KHNYN: variants seen among roughly 807,000 people sequenced by gnomAD.
The protein encoded by KHNYN is KH and NYN domain containing, also known as protein KHNYN.
KHNYN carries 42 observed loss-of-function variants against 62.7 expected under a neutral mutation model. The ratio of observed to expected loss-of-function variants is 0.67; its 90% confidence interval spans 0.52 to 0.87. The LOEUF is 0.87. Among genes scored for constraint, KHNYN ranks in the 40% least tolerant of loss-of-function variants. The probability of loss-of-function intolerance (pLI) is 0.00; values close to 1 mark genes in which losing one functional copy is unlikely to be tolerated. For synonymous variants in KHNYN, 347 were observed against 345.6 expected, an observed-to-expected ratio of 1.00 and a Z score of -0.04; for missense variants, 829 against 874.1, an observed-to-expected ratio of 0.95 and a Z score of 0.65.
rs1021875528 is a variant in KHNYN at position 24,430,840 on chromosome 14, T to C, written c.110T>C (p.Val37Ala). The C allele has an allele frequency of 7.4e-6, 12 of 1,613,424 alleles. No individual in the cohort carries two copies. The highest frequency in any genetic ancestry group is 8.5e-7 in the Non-Finnish European group (1 of 1,179,808). Reference protein sequence around the residue: ...QQPHVERIFSVGVSVLPKDCP... With the variant: ...QQPHVERIFSAGVSVLPKDCP... ...CCCCATGTGGAGCGCATCTTCAGCG[T>C]GGGGGTGAGCGTCCTTCCGAAGGAC... The change falls in exon 2 of 8, where the codon GTG (valine) becomes GCG (alanine). Residue 37 changes from valine (V) to alanine (A), a missense_variant. Physicochemically the swap from Val to Ala is moderately conservative, Grantham distance 64. Coordinates refer to ENST00000553935, the MANE Select transcript of KHNYN (RefSeq NM_015299.3).
Position 24,438,155 on chromosome 14 carries a change from G to T in KHNYN, c.*870G>T, listed in dbSNP as rs2043237170. 6.6e-6 allele frequency: 1 copy of T among 152,646 alleles called. No homozygotes were observed. The highest frequency in any genetic ancestry group is 2.1e-4 in the South Asian group (1 of 4,826). 9.5% of individuals were successfully genotyped at this position (152,646 alleles called of 1,614,324 possible). ...TTTACACAGTAGGTAAATTAGGGATGACTGCATTATCAAAATACTCTCAGG... is the reference window on the plus strand; with the variant it reads ...TTTACACAGTAGGTAAATTAGGGATTACTGCATTATCAAAATACTCTCAGG... On this transcript the variant is annotated 3_prime_UTR_variant, in exon 8 of 8. Transcript: ENST00000553935.
At chr14:24,430,468 C>T (rs2043086223) in intron 1 of KHNYN, 1 of 1,336,474 alleles carries the variant, frequency 7.5e-7, no homozygotes, top group Non-Finnish European at 9.6e-7. Flanking sequence ...GGACTGTGGT[C>T]ATCCTTTTCC....
upstream of KHNYN, among the ~76,000 whole-genome samples, chr14:24,425,174 C>T (rs547907544): frequency 7.2e-5 from 11 of 152,274 alleles, no homozygotes; most frequent in South Asian, 2.1e-3. Context: ...GCACTCCGGC[C>T]TGGTCGACAG....
chr14:24,428,924 T>A, upstream of KHNYN: 1 of 1,560,768 alleles, frequency 6.4e-7, no homozygotes, highest in South Asian at 1.2e-5. Context: ...CACCAGGCAC[T>A]CCCCCTCCAG....
At chr14:24,429,790 A>G, upstream of KHNYN, 1 of 1,085,358 alleles carries the variant, frequency 9.2e-7, no homozygotes, top group Non-Finnish European at 1.1e-6. Flanking sequence ...GACAGACGGG[A>G]GGGCTGGTGA....
upstream of KHNYN, among the ~76,000 whole-genome samples, chr14:24,425,381 C>G (rs1242396341): frequency 1.3e-5 from 2 of 152,222 alleles, no homozygotes; most frequent in Non-Finnish European, 2.9e-5. Context: ...GAGACACAAT[C>G]AGAAATATTG....
intron 7 of KHNYN, 86 bp downstream of exon 7, chr14:24,436,575 C>T: frequency 1.0e-6 from 1 of 995,346 alleles, no homozygotes; most frequent in Non-Finnish European, 1.5e-6. Flanking sequence ...GAAGTGTGAC[C>T]TCAGTTTGGG....
Position 24,441,532 on chromosome 14 carries a change from A to G in KHNYN, c.*4247A>G. The G allele has an allele frequency of 1.5e-6, 1 of 647,472 alleles. No homozygotes were observed. The highest frequency in any genetic ancestry group is 4.3e-4 in the Middle Eastern group (1 of 2,346). 40.1% of individuals were successfully genotyped at this position (647,472 alleles called of 1,614,324 possible). On this transcript the variant is annotated 3_prime_UTR_variant, in exon 8 of 8. Transcript: ENST00000553935. ...TTCTTAGTGAAAGTACACAAAGGTT[A>G]GGAGAAACATGCATGGATCAAGGGC...
chr14:24,440,766 C>T lies in KHNYN; in HGVS notation c.*3481C>T. On this transcript the variant is annotated 3_prime_UTR_variant, in exon 8 of 8. Transcript: ENST00000553935. ...AAGACATTCCAACCCTGTCTGATAC[C>T]CAGGCCCGTTTCTCACCTGAGCGCA... 1 of 1,612,988 alleles carries T rather than the reference C, an allele frequency of 6.2e-7. No individual in the cohort carries two copies. Among genetic ancestry groups the T allele is most frequent in the African/African-American group, 1.3e-5 (1 of 74,980 alleles).
rs1008734306 is a variant in KHNYN at position 24,438,943 on chromosome 14, TC to T, written c.*1660del. The T allele has an allele frequency of 6.6e-6, 1 of 152,162 alleles. No homozygotes were observed. The highest frequency in any genetic ancestry group is 2.4e-5 in the African/African-American group (1 of 41,400). 9.4% of individuals were successfully genotyped at this position (152,162 alleles called of 1,614,324 possible). On this transcript the variant is annotated 3_prime_UTR_variant, in exon 8 of 8. Coordinates refer to ENST00000553935, the MANE Select transcript of KHNYN (RefSeq NM_015299.3). ...AATGATGATGGGGAGGGTCCTTGTGTCCTCACCCCTTCCTTTTTGGTGATTT... is the reference window on the plus strand; with the variant it reads ...AATGATGATGGGGAGGGTCCTTGTGTCTCACCCCTTCCTTTTTGGTGATTT...
rs1246791874 is a variant in KHNYN, at chr14:24,432,165, C to G, written c.904C>G (p.Leu302Val). 2.6e-6 allele frequency: 4 copies of G among 1,562,728 alleles called. No homozygotes were observed. The East Asian group carries it at 9.0e-5, about 35-fold the overall frequency. ...TGGAGGGGCAAGGGAGTCAGCACCCCTGAAAGGGAAGGCCCTGGGGAAGGA... is the reference window on the plus strand; with the variant it reads ...TGGAGGGGCAAGGGAGTCAGCACCCGTGAAAGGGAAGGCCCTGGGGAAGGA... ...VGGGARESAPLKGKALGKEEI... is the reference protein window; with the variant it reads ...VGGGARESAPVKGKALGKEEI... Residue 302 changes from leucine to valine, a missense_variant, in exon 3 of 8, where the codon CTG (leucine) becomes GTG (valine). Leu to Val is a conservative substitution (Grantham distance 32). This residue lies in a region of KHNYN where 559 missense variants were observed against 527.0 expected (regional missense o/e 1.06). Transcript: ENST00000553935. The surrounding 1 kb of genome is among the most constrained non-coding windows in gnomAD (Gnocchi z 5.6).
chr14:24,430,511 T>A, intron 1 of KHNYN: 1 of 1,391,520 alleles, frequency 7.2e-7, no homozygotes, highest in Non-Finnish European at 9.3e-7. Context: ...ATAGACAGCC[T>A]TGTTTACCGG....
intron 7 of KHNYN, 125 bp from the exon 8 acceptor site, chr14:24,436,911 C>A (rs1045138270): frequency 1.9e-5 from 24 of 1,294,784 alleles, no homozygotes; most frequent in African/African-American, 3.0e-5. Context: ...TGGTCAGCTT[C>A]AGGAACTTCA....
rs974586396 is a variant in KHNYN at position 24,438,844 on chromosome 14, C to G, written c.*1559C>G. The stretch of plus-strand genomic sequence containing the variant: ...TGTGGGCCTGTGGGGAGTCTCTAGA[C>G]AAGATCTTTTCCAGGCCCTGACTTC... On this transcript the variant is annotated 3_prime_UTR_variant, in exon 8 of 8. Coordinates refer to ENST00000553935, the MANE Select transcript of KHNYN (RefSeq NM_015299.3). 6.6e-6 allele frequency: 1 copy of G among 152,156 alleles called. No individual in the cohort carries two copies. Among genetic ancestry groups the G allele is most frequent in the Non-Finnish European group, 1.5e-5 (1 of 68,050 alleles). 9.4% of individuals were successfully genotyped at this position (152,156 alleles called of 1,614,324 possible).
chr14:24,429,040 C>T, upstream of KHNYN: 1 of 1,512,092 alleles, frequency 6.6e-7, no homozygotes, highest in Non-Finnish European at 8.9e-7. Flanking sequence ...GCCAGTGTGG[C>T]TTGGCTCCCA....
upstream of KHNYN, chr14:24,429,932 G>A (rs2043072684): frequency 1.0e-6 from 1 of 999,708 alleles, no homozygotes; most frequent in East Asian, 1.1e-4. Flanking sequence ...TCCGCCCCAG[G>A]CCAGGAAGTG....
In KHNYN at chr14:24,441,021, T is replaced by G. The variant is rs1332059587; in HGVS notation, c.*3736T>G. On this transcript the variant is annotated 3_prime_UTR_variant, in exon 8 of 8. Coordinates refer to ENST00000553935, the MANE Select transcript of KHNYN (RefSeq NM_015299.3). Reference sequence around the variant, plus strand: ...CCCTTGGCCTCACCTTCTCTGGCCCTTAGGATCTCCCCATTTGGAGACAGA... The same window carrying G: ...CCCTTGGCCTCACCTTCTCTGGCCCGTAGGATCTCCCCATTTGGAGACAGA... 7.5e-7 allele frequency: 1 copy of G among 1,330,352 alleles called. No homozygotes were observed. The highest frequency in any genetic ancestry group is 1.9e-5 in the Admixed American group (1 of 53,936). The allele number at this position is 1,330,352 out of a possible 1,614,324, so 82.4% of individuals were successfully genotyped here.
chr14:24,429,683 C>G (rs952069608), upstream of KHNYN: 3 of 984,778 alleles, frequency 3.0e-6, no homozygotes, highest in African/African-American at 5.2e-5. Context: ...CCTCTTTGGT[C>G]GGCCACATCT....
chr14:24,435,884 C>T, intron 5 of KHNYN, 188 bp from the exon 6 acceptor site: 1 of 607,312 alleles, frequency 1.6e-6, no homozygotes, highest in Admixed American at 2.8e-5. Context: ...TGGAGAGTCC[C>T]AAATGGTTGC....
Sources: allele counts gnomAD v4.1 joint callset (sites outside exome capture counted in the v4.1 genomes callset), GRCh38; gene constraint gnomAD v4.1.1; regional missense constraint gnomAD v4.1.1; non-coding constraint Gnocchi (gnomAD v3.1); transcripts MANE v1.5; gene names NCBI Gene and HGNC (gene_info 2026-07-23, HGNC 2026-07-21).